ARHGEF3: variants seen among roughly 807,000 people sequenced by gnomAD.
ARHGEF3 encodes the protein 59.8 kDA protein.
In ARHGEF3, 28 loss-of-function variants were observed where a neutral mutation model predicts 63.2. The observed-to-expected ratio is 0.44, with a 90% CI of 0.33 to 0.61. The LOEUF (loss-of-function observed/expected upper bound fraction) is 0.61. ARHGEF3 is among the 20% of genes least tolerant of loss of function. The probability of loss-of-function intolerance (pLI) is 0.03; values close to 1 mark genes in which losing one functional copy is unlikely to be tolerated. For missense variants in ARHGEF3, 533 were observed against 659.3 expected (o/e 0.81, Z 2.10); for synonymous variants, 266 against 254.2 (o/e 1.05, Z -0.44).
chr3:56,835,980 G>A (rs1245515877), intron 4 of ARHGEF3, among the ~76,000 whole-genome samples: 2 of 152,210 alleles, frequency 1.3e-5, no homozygotes, highest in Non-Finnish European at 2.9e-5. Context: ...GAAAAATCAT[G>A]TCTCTTAGAA....
intron 3 of ARHGEF3, among the ~76,000 whole-genome samples, chr3:56,898,213 T>C (rs568382062): frequency 1.3e-5 from 2 of 151,988 alleles, no homozygotes; most frequent in Non-Finnish European, 2.9e-5. Context: ...AGGTATGTCT[T>C]ATTTATTTAT....
At chr3:56,831,846 T>C (rs1644018766) in intron 4 of ARHGEF3, among the ~76,000 whole-genome samples, 1 of 152,214 alleles carries the variant, frequency 6.6e-6, no homozygotes, top group African/African-American at 2.4e-5. Context: ...CATTTTTTTC[T>C]GGACCTAAAT....
At chr3:56,997,867 C>T (rs1270931069) in intron 2 of ARHGEF3, among the ~76,000 whole-genome samples, 2 of 152,190 alleles carry the variant, frequency 1.3e-5, no homozygotes, top group Admixed American at 6.5e-5. Context: ...CTGGAAGATG[C>T]TTCAGCAAGA....
At chr3:57,042,736 G>A (rs1315155076) in intron 1 of ARHGEF3, among the ~76,000 whole-genome samples, 4 of 126,430 alleles carry the variant, frequency 3.2e-5, no homozygotes, top group East Asian at 2.5e-4. Context: ...TCGCTCTGTC[G>A]CCCAGACTGG....
intron 1 of ARHGEF3, among the ~76,000 whole-genome samples, chr3:56,776,583 C>A (rs1163764850): frequency 1.3e-5 from 2 of 152,168 alleles, no homozygotes; most frequent in Non-Finnish European, 2.9e-5. Context: ...TAAAAAAATT[C>A]CTGGCCTCAT....
chr3:56,989,737 C>A (rs1701676866), intron 2 of ARHGEF3, among the ~76,000 whole-genome samples: 1 of 152,202 alleles, frequency 6.6e-6, no homozygotes, highest in Non-Finnish European at 1.5e-5. Context: ...TCCCTAGGAA[C>A]AACCCTGACT....
intron 1 of ARHGEF3, among the ~76,000 whole-genome samples, chr3:56,777,143 A>C (rs115595134): frequency 8.5e-5 from 13 of 152,350 alleles, no homozygotes; most frequent in Non-Finnish European, 1.9e-4. Flanking sequence ...TCATCATTAA[A>C]TATTTGCTGA....
chr3:56,801,879 G>T lies in ARHGEF3; in HGVS notation c.-81C>A, dbSNP rs1360990485. 1 of 1,549,802 alleles carries T rather than the reference G, an allele frequency of 6.5e-7. No homozygotes were observed. The highest frequency in any genetic ancestry group is 1.4e-5 in the African/African-American group (1 of 73,062). On this transcript the variant is annotated 5_prime_UTR_variant, in exon 1 of 10. The change creates a new upstream start codon in the 5' untranslated region. Coordinates refer to ENST00000296315, the MANE Select transcript of ARHGEF3 (RefSeq NM_019555.3). ...AACTCCCAGGCAAAAGGGGGCCCCA[G>T]CTCCACGATGCCGGGCGGCGGCGGC...
intron 2 of ARHGEF3, among the ~76,000 whole-genome samples, chr3:56,989,730 C>T (rs1201163818): frequency 2.0e-5 from 3 of 152,202 alleles, no homozygotes; most frequent in Non-Finnish European, 2.9e-5. Context: ...GCCCCACTCC[C>T]TAGGAACAAC....
chr3:56,902,201 G>A (rs1197412161), intron 3 of ARHGEF3, among the ~76,000 whole-genome samples: 2 of 152,118 alleles, frequency 1.3e-5, no homozygotes, highest in African/African-American at 2.4e-5. Flanking sequence ...ATATTTTGCT[G>A]CTCTGCATGT....
intron 4 of ARHGEF3, chr3:56,882,250 G>C: frequency 6.6e-7 from 1 of 1,516,462 alleles, no homozygotes; most frequent in Non-Finnish European, 9.0e-7. Flanking sequence ...GGAGAAGAGA[G>C]ATGCTCTCGG....
At chr3:57,011,333 G>A (rs763969316) in intron 2 of ARHGEF3, among the ~76,000 whole-genome samples, 1 of 152,162 alleles carries the variant, frequency 6.6e-6, no homozygotes, top group African/African-American at 2.4e-5. Context: ...GATTTCCCAC[G>A]GGGCACACTG....
At chr3:56,741,072 A>G (rs1258325339) in intron 7 of ARHGEF3, among the ~76,000 whole-genome samples, 1 of 152,084 alleles carries the variant, frequency 6.6e-6, no homozygotes, top group East Asian at 1.9e-4. Context: ...TCCATGTTCT[A>G]TGTATATACA....
intron 2 of ARHGEF3, chr3:57,007,135 T>G: frequency 9.8e-6 from 12 of 1,225,482 alleles, no homozygotes; most frequent in Non-Finnish European, 1.2e-5. Flanking sequence ...ACTTTTGTTT[T>G]TATGTTATTC....
chr3:56,733,065 C>T (rs1349916114), intron 8 of ARHGEF3, among the ~76,000 whole-genome samples: 1 of 150,414 alleles, frequency 6.6e-6, no homozygotes, highest in African/African-American at 2.4e-5. Context: ...GGGCGGATCA[C>T]CAGGTCAGGA....
At chr3:56,817,657 A>G (rs182596531) in intron 4 of ARHGEF3, among the ~76,000 whole-genome samples, 68 of 152,276 alleles carry the variant, frequency 4.5e-4, no homozygotes, top group Non-Finnish European at 9.0e-4. Flanking sequence ...AATCCTCACA[A>G]CCTGCTGAAG....
Position 57,056,158 on chromosome 3 carries a change from T to C in ARHGEF3, c.-27-20982A>G, listed in dbSNP as rs1317542521. ...ATCCTAGAACTTTGGGAGGCTGAGGTGGGCAGATCCCGAGATCAGAAGATC... is the reference window on the plus strand; with the variant it reads ...ATCCTAGAACTTTGGGAGGCTGAGGCGGGCAGATCCCGAGATCAGAAGATC... On this transcript the variant is annotated intron_variant, in intron 1 of 12. Coordinates refer to the ARHGEF3 transcript ENST00000338458. Among the ~76,000 whole-genome samples the C allele has an allele frequency of 5.1e-4, 77 of 151,622 alleles. 1 individual carries two copies. The highest frequency in any genetic ancestry group is 5.0e-3 in the Admixed American group (76 of 15,226).
At chr3:57,070,519 G>A (rs1281373850) in intron 1 of ARHGEF3, among the ~76,000 whole-genome samples, 1 of 152,202 alleles carries the variant, frequency 6.6e-6, no homozygotes, top group Admixed American at 6.5e-5. Flanking sequence ...AGGTTCCACA[G>A]TTAATATTGT....
intron 4 of ARHGEF3, among the ~76,000 whole-genome samples, chr3:56,872,036 A>G (rs1222709008): frequency 2.3e-5 from 3 of 131,986 alleles, no homozygotes; most frequent in African/African-American, 7.5e-5. Context: ...TACTTATTAG[A>G]CTTGTTGCCA....
Sources: gnomAD v4.1 joint callset for allele counts (sites outside exome capture counted in the v4.1 genomes callset) on GRCh38, gnomAD v4.1.1 for gene constraint, MANE v1.5 for transcripts, NCBI Gene and HGNC (gene_info 2026-07-23, HGNC 2026-07-21) for gene names.